The following TMPRSS11F variants were observed in gnomAD, a reference collection of about 807,000 sequenced individuals.
The protein encoded by TMPRSS11F is transmembrane serine protease 11F.
A neutral mutation model predicts 60.2 loss-of-function variants in TMPRSS11F; 47 were observed. That is an observed-to-expected ratio of 0.78 (90% CI 0.62 to 1.00). The LOEUF (loss-of-function observed/expected upper bound fraction) is 1.00, where lower values mean the gene tolerates loss of function less well. Among genes scored for constraint, TMPRSS11F ranks in the 50% least tolerant of loss-of-function variants. The pLI is 0.00. For missense variants in TMPRSS11F, 519 were observed against 522.9 expected (o/e 0.99, Z 0.07); for synonymous variants, 166 against 167.3 (o/e 0.99, Z 0.06).
chr4:68,063,848 A>T (rs1279640128), intron 8 of TMPRSS11F, among the ~76,000 whole-genome samples: 3 of 152,218 alleles, frequency 2.0e-5, no homozygotes, highest in Non-Finnish European at 4.4e-5. Flanking sequence ...AAATATTTAC[A>T]ACCCACTTTA....
chr4:68,078,962 A>C (rs1417330522), intron 3 of TMPRSS11F, among the ~76,000 whole-genome samples: 4 of 151,782 alleles, frequency 2.6e-5, no homozygotes, highest in Non-Finnish European at 5.9e-5. Flanking sequence ...GAGTCTTATT[A>C]TATTAGAGTA....
intron 8 of TMPRSS11F, chr4:68,062,430 A>T (rs923944998): frequency 2.3e-5 from 14 of 622,184 alleles, no homozygotes; most frequent in African/African-American, 2.0e-4. Flanking sequence ...TTTTGGTAAA[A>T]GGTTGAATAT....
At chr4:68,067,503 G>T (rs1279895498) in intron 7 of TMPRSS11F, among the ~76,000 whole-genome samples, 1 of 151,016 alleles carries the variant, frequency 6.6e-6, no homozygotes, top group East Asian at 2.0e-4. Flanking sequence ...TTTACATAAA[G>T]AGAGATCAGT....
At chr4:68,072,746 C>T (rs566521840) in intron 4 of TMPRSS11F, among the ~76,000 whole-genome samples, 1 of 152,272 alleles carries the variant, frequency 6.6e-6, no homozygotes, top group African/African-American at 2.4e-5. Flanking sequence ...ACTGTCCTTA[C>T]TTAGCTCATA....
chr4:68,063,166 A>G (rs551450965), intron 8 of TMPRSS11F: 3 of 604,950 alleles, frequency 5.0e-6, no homozygotes, highest in East Asian at 8.4e-5. Flanking sequence ...AGGATAATAA[A>G]CACCCAAACA....
chr4:68,099,117 T>TAGAG, intron 1 of TMPRSS11F, 79 bp from the exon 2 acceptor site: 2 of 1,264,796 alleles, frequency 1.6e-6, no homozygotes, highest in Non-Finnish European at 2.2e-6. Context: ...TGTTCCTCTA[T>TAGAG]GAAAATAGTT....
At chr4:68,087,591 C>T (rs772694168) in intron 3 of TMPRSS11F, among the ~76,000 whole-genome samples, 36 of 68,832 alleles carry the variant, frequency 5.2e-4, no homozygotes, top group Non-Finnish European at 8.6e-4. Flanking sequence ...ACAAATGATA[C>T]AATTCTATGT....
chr4:68,127,558 G>C (rs1189156371), intron 1 of TMPRSS11F, among the ~76,000 whole-genome samples: 1 of 152,064 alleles, frequency 6.6e-6, no homozygotes, highest in Non-Finnish European at 1.5e-5. Flanking sequence ...ATGTTAATGT[G>C]TTCTCCATAT....
At chr4:68,119,055 A>G (rs992011475) in intron 1 of TMPRSS11F, among the ~76,000 whole-genome samples, 4 of 152,190 alleles carry the variant, frequency 2.6e-5, no homozygotes, top group Non-Finnish European at 2.9e-5. Flanking sequence ...CAGTGAATAA[A>G]CAAATGATAA....
chr4:68,079,548 A>C (rs1407444095), intron 3 of TMPRSS11F, among the ~76,000 whole-genome samples: 1 of 152,100 alleles, frequency 6.6e-6, no homozygotes, highest in African/African-American at 2.4e-5. Flanking sequence ...CTCCTCAGAT[A>C]CCTAATGATT....
chr4:68,101,525 T>C (rs1407971135), intron 1 of TMPRSS11F, among the ~76,000 whole-genome samples: 1 of 152,174 alleles, frequency 6.6e-6, no homozygotes, highest in Admixed American at 6.6e-5. Flanking sequence ...TAGATATATT[T>C]GTTAGATGTA....
At chr4:68,124,190 C>T (rs1233042246) in intron 1 of TMPRSS11F, among the ~76,000 whole-genome samples, 1 of 150,184 alleles carries the variant, frequency 6.7e-6, no homozygotes, top group East Asian at 2.0e-4. Flanking sequence ...CACTGCACTC[C>T]AGCCTGGGCG....
At chr4:68,080,720 T>C (rs1723681929) in intron 3 of TMPRSS11F, 5 of 152,230 alleles carry the variant, frequency 3.3e-5, no homozygotes, top group Admixed American at 3.3e-4. Context: ...CTGTCCTCAC[T>C]TCCTTATGAA....
At chr4:68,064,633 G>A (rs555015186) in intron 8 of TMPRSS11F, 52 bp downstream of exon 8, 35 of 1,577,544 alleles carry the variant, frequency 2.2e-5, no homozygotes, top group Non-Finnish European at 2.3e-5. Context: ...TAGATAGCTC[G>A]TTTGATCTCA....
chr4:68,096,117 A>AT (rs200352972), intron 2 of TMPRSS11F, among the ~76,000 whole-genome samples: 1 of 144,236 alleles, frequency 6.9e-6, no homozygotes, highest in Non-Finnish European at 1.5e-5. Flanking sequence ...TCAGTCAATA[A>AT]TTTAAAAAAA....
chr4:68,105,634 G>T (rs1724289932), intron 1 of TMPRSS11F, among the ~76,000 whole-genome samples: 1 of 152,024 alleles, frequency 6.6e-6, no homozygotes, highest in Non-Finnish European at 1.5e-5. Context: ...GTTTTGTTCT[G>T]TTTTTGGTCT....
chr4:68,105,416 C>A (rs1027450312), intron 1 of TMPRSS11F, among the ~76,000 whole-genome samples: 1 of 151,988 alleles, frequency 6.6e-6, no homozygotes, highest in African/African-American at 2.4e-5. Context: ...TTTTTATGAT[C>A]AAAATAAATA....
intron 2 of TMPRSS11F, among the ~76,000 whole-genome samples, chr4:68,093,789 C>T (rs1487168907): frequency 6.6e-6 from 1 of 151,436 alleles, no homozygotes; most frequent in African/African-American, 2.4e-5. Flanking sequence ...CCAAAAAACA[C>T]ATGAAAAAAT....
chr4:68,100,316 T>C (rs1053644859), intron 1 of TMPRSS11F, among the ~76,000 whole-genome samples: 1 of 152,054 alleles, frequency 6.6e-6, no homozygotes, highest in Non-Finnish European at 1.5e-5. Context: ...GGAAAGCCAA[T>C]AGAAAATTTT....
Sources: gnomAD v4.1 joint callset for allele counts (sites outside exome capture counted in the v4.1 genomes callset) on GRCh38, gnomAD v4.1.1 for gene constraint, MANE v1.5 for transcripts, NCBI Gene and HGNC (gene_info 2026-07-23, HGNC 2026-07-21) for gene names.